USP22: variants seen among roughly 807,000 people sequenced by gnomAD.
USP22 encodes the protein ubiquitin specific peptidase 22.
Under a neutral mutation model 68.1 loss-of-function variants are expected in USP22, and 22 were observed. The ratio of observed to expected loss-of-function variants is 0.32; its 90% confidence interval spans 0.23 to 0.46. The LOEUF (loss-of-function observed/expected upper bound fraction) is 0.46. USP22 is among the 20% of genes least tolerant of loss of function. The probability of loss-of-function intolerance (pLI) is 1.00; values close to 1 mark genes in which losing one functional copy is unlikely to be tolerated. For synonymous variants in USP22, 279 were observed against 274.2 expected (o/e 1.02, Z -0.17); for missense variants, 433 against 695.8 (o/e 0.62, Z 4.25).
At chr17:21,034,248 T>C (rs1014085743) in intron 1 of USP22, among the ~76,000 whole-genome samples, 3 of 152,036 alleles carry the variant, frequency 2.0e-5, no homozygotes, top group Non-Finnish European at 4.4e-5. Flanking sequence ...AAGGGGTAAT[T>C]TCATTCAGCA....
chr17:21,026,894 T>A (rs1361160097), intron 2 of USP22, among the ~76,000 whole-genome samples: 1 of 150,852 alleles, frequency 6.6e-6, no homozygotes, highest in Non-Finnish European at 1.5e-5. Context: ...CTCCGCCTCC[T>A]GGGTTCAAGC....
chr17:21,022,987 C>T (rs1972175512), intron 2 of USP22, among the ~76,000 whole-genome samples: 1 of 152,128 alleles, frequency 6.6e-6, no homozygotes, highest in African/African-American at 2.4e-5. Context: ...CATGGGATAC[C>T]ATGTATACAT....
intron 1 of USP22, among the ~76,000 whole-genome samples, chr17:21,036,322 C>A (rs1972356121): frequency 6.6e-6 from 1 of 152,044 alleles, no homozygotes; most frequent in Admixed American, 6.6e-5. Context: ...AAAGAGCAAA[C>A]CTTAATATAT....
chr17:21,032,237 C>T (rs1291935069), intron 1 of USP22, among the ~76,000 whole-genome samples: 2 of 152,224 alleles, frequency 1.3e-5, no homozygotes, highest in African/African-American at 2.4e-5. Flanking sequence ...TACCATCTAG[C>T]TTTGTGTTAA....
Position 21,002,857 on chromosome 17 carries a change from G to A in USP22, c.*174C>T, listed in dbSNP as rs1913637259. 8 of 729,222 alleles carry A rather than the reference G, an allele frequency of 1.1e-5. No individual in the cohort carries two copies. Among genetic ancestry groups the A allele is most frequent in the African/African-American group, 5.3e-5 (3 of 57,118 alleles). The allele number at this position is 729,222 out of a possible 1,614,324, so 45.2% of individuals were successfully genotyped here. A position where few individuals can be genotyped will look rare whatever the true frequency, so the allele number is the denominator to read the frequency against. ...GCTCCAGGAGCCTCCCCGTCCGTGT[G>A]GTCCATCCCGACCCGATGGGTCCCA... On this transcript the variant is annotated 3_prime_UTR_variant, in exon 13 of 13. Transcript: ENST00000261497.
intron 11 of USP22, 68 bp from the exon 12 acceptor site, chr17:21,004,419 C>G (rs1436792241): frequency 5.7e-6 from 9 of 1,586,150 alleles, no homozygotes; most frequent in Non-Finnish European, 7.8e-6. Flanking sequence ...TCATCACCAT[C>G]AGAAACCAGG....
In USP22 at chr17:21,011,192, G is replaced by A. The variant is rs772508678; in HGVS notation, c.1062C>T (p.Ser354=). 1.2e-6 allele frequency: 2 copies of A among 1,612,198 alleles called. No individual in the cohort carries two copies. Among genetic ancestry groups the A allele is most frequent in the Non-Finnish European group, 1.7e-6 (2 of 1,178,856 alleles). Residue 354 remains serine, a synonymous_variant, in exon 8 of 13, where the codon AGC becomes AGT. Coordinates refer to ENST00000261497, the MANE Select transcript of USP22 (RefSeq NM_015276.2). ...TGAGCGTGGTGGTTCCCGACACGTG[G>A]CTTTCCCCGTTTACCACGTTGCCCT... ...GSEGNVVNGE[S]HVSGTTTLTD...
chr17:21,031,027 C>T (rs1402971084), intron 1 of USP22, among the ~76,000 whole-genome samples: 1 of 152,132 alleles, frequency 6.6e-6, no homozygotes, highest in African/African-American at 2.4e-5. Flanking sequence ...AGACATAAAA[C>T]CAGTTAGCAA....
At chr17:21,017,351 A>G (rs1268540093) in intron 5 of USP22, among the ~76,000 whole-genome samples, 2 of 152,238 alleles carry the variant, frequency 1.3e-5, no homozygotes, top group African/African-American at 2.4e-5. Context: ...GAGCTGCTTC[A>G]GCTCTGAGAA....
intron 2 of USP22, among the ~76,000 whole-genome samples, chr17:21,027,846 T>C (rs978621184): frequency 2.0e-5 from 3 of 152,116 alleles, no homozygotes; most frequent in African/African-American, 7.2e-5. Flanking sequence ...AGCAGGCACC[T>C]GTAATCTGTT....
intron 5 of USP22, 75 bp downstream of exon 5, chr17:21,017,867 C>A: frequency 1.3e-6 from 2 of 1,552,980 alleles, no homozygotes; most frequent in Non-Finnish European, 1.8e-6. Flanking sequence ...TTATCATGGT[C>A]CACCTTAAAT....
chr17:21,004,095 C>T (rs974025955), intron 12 of USP22, 107 bp downstream of exon 12: 21 of 1,451,042 alleles, frequency 1.4e-5, no homozygotes, highest in Non-Finnish European at 2.0e-5. Context: ...AAATGAAGGT[C>T]AACACCTTCG....
chr17:21,041,236 T>C (rs62058993), intron 1 of USP22, among the ~76,000 whole-genome samples: 24,203 of 152,168 alleles, frequency 0.16, 2,410 homozygotes, highest in South Asian at 0.24. Flanking sequence ...CTAACTCCGA[T>C]CCTGAAACGT....
intron 12 of USP22, among the ~76,000 whole-genome samples, 173 bp downstream of exon 12, chr17:21,004,029 A>G (rs1167912829): frequency 6.6e-6 from 1 of 152,004 alleles, no homozygotes; most frequent in Non-Finnish European, 1.5e-5. Flanking sequence ...CTCTTCTCCC[A>G]CCTGAGCACC....
intron 5 of USP22, 68 bp downstream of exon 5, chr17:21,017,874 A>C: frequency 6.3e-7 from 1 of 1,581,128 alleles, no homozygotes; most frequent in Non-Finnish European, 8.6e-7. Context: ...GGTCCACCTT[A>C]AATTTTTTTT....
At chr17:21,033,357 T>A (rs1027087364) in intron 1 of USP22, among the ~76,000 whole-genome samples, 1 of 152,252 alleles carries the variant, frequency 6.6e-6, no homozygotes, top group South Asian at 2.1e-4. Context: ...TTAATTGTTG[T>A]TGATCTTATG....
rs147231893 is a variant in USP22, at chr17:21,004,397, C to T, written c.1386-46G>A. On this transcript the variant is annotated intron_variant, in intron 11 of 12. Transcript: ENST00000261497. Reference sequence around the variant, plus strand: ...AGGGAGGGCGCAGGTGACTTGATGCCGTCACTTGAGGTCATCACCATCAGA... The same window carrying T: ...AGGGAGGGCGCAGGTGACTTGATGCTGTCACTTGAGGTCATCACCATCAGA... The T allele has an allele frequency of 4.2e-4, 667 of 1,605,450 alleles. 5 individuals carry two copies. The East Asian group carries it at 0.013, about 31-fold the overall frequency.
intron 6 of USP22, 43 bp from the exon 7 acceptor site, chr17:21,012,978 A>T: frequency 6.4e-7 from 1 of 1,555,138 alleles, no homozygotes; most frequent in Non-Finnish European, 8.9e-7. Context: ...CTCCCCAAAT[A>T]TGGGGAGTCT....
Position 21,004,790 on chromosome 17 carries a change from ATAGTGGAG to A in USP22, c.1385+130_1385+137del. 4.5e-5 allele frequency: 4 copies of A among 88,474 alleles called. 1 individual carries two copies. The highest frequency in any genetic ancestry group is 1.3e-4 in the Non-Finnish European group (4 of 31,484). The allele number at this position is 88,474 out of a possible 1,614,324, so 5.5% of individuals were successfully genotyped here. A position where few individuals can be genotyped will look rare whatever the true frequency, so the allele number is the denominator to read the frequency against. On this transcript the variant is annotated intron_variant, in intron 11 of 12. Transcript: ENST00000261497. ...TTCCTAGTGGAGCTGCGGGCAGCCA[ATAGTGGAG>A]CTGCGGGCAGCCAAGCGGGAAGCAG...
Sources: allele counts gnomAD v4.1 joint callset (sites outside exome capture counted in the v4.1 genomes callset), GRCh38; gene constraint gnomAD v4.1.1; transcripts MANE v1.5; gene names NCBI Gene and HGNC (gene_info 2026-07-23, HGNC 2026-07-21).